The following ESRRG variants were observed in gnomAD, a reference collection of about 807,000 sequenced individuals.
The protein encoded by ESRRG is estrogen-related receptor gamma.
Under a neutral mutation model 44.0 loss-of-function variants are expected in ESRRG, and 13 were observed. That is an observed-to-expected ratio of 0.30 (90% CI 0.19 to 0.47). ESRRG has a LOEUF of 0.47. ESRRG is among the 20% of genes least tolerant of loss of function. The pLI is 1.00. For synonymous variants in ESRRG, 215 were observed against 214.6 expected, an observed-to-expected ratio of 1.00 and a Z score of -0.02; for missense variants, 395 against 580.6, an observed-to-expected ratio of 0.68 and a Z score of 3.29.
At chr1:216,824,689 T>C (rs1388900141) in intron 2 of ESRRG, among the ~76,000 whole-genome samples, 1 of 152,216 alleles carries the variant, frequency 6.6e-6, no homozygotes. Context: ...GCCTATTTCT[T>C]ATAATGATTA....
intron 1 of ESRRG, among the ~76,000 whole-genome samples, chr1:217,087,547 C>T (rs1456233912): frequency 1.3e-5 from 2 of 152,112 alleles, no homozygotes; most frequent in Non-Finnish European, 2.9e-5. Flanking sequence ...CACAAACTCC[C>T]CTGGCTCCCC....
At chr1:216,983,472 T>A (rs2074329680) in intron 1 of ESRRG, among the ~76,000 whole-genome samples, 1 of 152,106 alleles carries the variant, frequency 6.6e-6, no homozygotes, top group Non-Finnish European at 1.5e-5. Context: ...GCTCAAGCGA[T>A]CCTCCCATCT....
intron 2 of ESRRG, among the ~76,000 whole-genome samples, chr1:216,926,773 G>A (rs895948194): frequency 1.3e-5 from 2 of 152,192 alleles, no homozygotes; most frequent in African/African-American, 4.8e-5. Flanking sequence ...GAAGGTAGCA[G>A]TGTAGGTGAC....
chr1:216,561,310 A>G (rs1163167370), intron 5 of ESRRG, among the ~76,000 whole-genome samples: 1 of 152,172 alleles, frequency 6.6e-6, no homozygotes, highest in Non-Finnish European at 1.5e-5. Flanking sequence ...GTGTAATTAT[A>G]CAAACCGAGA....
chr1:217,074,258 C>A (rs180893953), intron 1 of ESRRG, among the ~76,000 whole-genome samples: 1 of 151,608 alleles, frequency 6.6e-6, no homozygotes, highest in African/African-American at 2.4e-5. Flanking sequence ...CATATTGGCC[C>A]GGCCAGTCTC....
chr1:216,843,869 CTT>C (rs10712887), intron 2 of ESRRG, among the ~76,000 whole-genome samples: 4,105 of 143,878 alleles, frequency 0.029, 188 homozygotes, highest in African/African-American at 0.096. Context: ...TTCTTTCTTC[CTT>C]TTTTTTTTTT....
chr1:217,107,210 A>G (rs1474300098), intron 1 of ESRRG, among the ~76,000 whole-genome samples: 1 of 152,242 alleles, frequency 6.6e-6, no homozygotes, highest in African/African-American at 2.4e-5. Context: ...AATTAAAGAT[A>G]AGCAAATAAG....
chr1:216,561,703 A>ATT (rs111565670), intron 5 of ESRRG, among the ~76,000 whole-genome samples: 33 of 145,710 alleles, frequency 2.3e-4, no homozygotes, highest in African/African-American at 9.1e-4. Flanking sequence ...GGTATTATTA[A>ATT]ATTTTTTTTT....
At chr1:216,999,837 T>C (rs1299677664) in intron 1 of ESRRG, among the ~76,000 whole-genome samples, 1 of 152,218 alleles carries the variant, frequency 6.6e-6, no homozygotes, top group Non-Finnish European at 1.5e-5. Context: ...GTTCTGACCA[T>C]GGCAAACCAC....
intron 2 of ESRRG, among the ~76,000 whole-genome samples, chr1:216,849,474 ATATT>A (rs1218330215): frequency 1.3e-5 from 2 of 152,136 alleles, no homozygotes; most frequent in South Asian, 2.1e-4. Flanking sequence ...AGGCTTTTAT[ATATT>A]TATTTATTTA....
At chr1:216,773,690 G>T (rs892679847) in intron 2 of ESRRG, among the ~76,000 whole-genome samples, 1 of 152,064 alleles carries the variant, frequency 6.6e-6, no homozygotes, top group Non-Finnish European at 1.5e-5. Context: ...TTATATAAGG[G>T]AAAATAGTCA....
chr1:217,039,964 A>C (rs1362419867), intron 1 of ESRRG, among the ~76,000 whole-genome samples: 1 of 152,166 alleles, frequency 6.6e-6, no homozygotes, highest in African/African-American at 2.4e-5. Context: ...CCATGGAAAC[A>C]TATGGAAATA....
At chr1:216,976,071 C>T (rs905043984) in intron 1 of ESRRG, among the ~76,000 whole-genome samples, 30 of 152,066 alleles carry the variant, frequency 2.0e-4, no homozygotes, top group Non-Finnish European at 3.7e-4. Context: ...TATCTAACAC[C>T]TAATAGAAAC....
intron 6 of ESRRG, among the ~76,000 whole-genome samples, chr1:216,518,758 C>T (rs561728662): frequency 6.6e-6 from 1 of 152,228 alleles, no homozygotes; most frequent in South Asian, 2.1e-4. Context: ...TTCCCAATTG[C>T]ACAATTTGCA....
intron 2 of ESRRG, among the ~76,000 whole-genome samples, chr1:216,777,231 C>G (rs2093648716): frequency 6.6e-6 from 1 of 152,016 alleles, no homozygotes; most frequent in African/African-American, 2.4e-5. Flanking sequence ...AAAAGCACTA[C>G]AGATCTACTC....
chr1:217,033,802 A>G (rs2082423942), intron 1 of ESRRG, among the ~76,000 whole-genome samples: 1 of 152,206 alleles, frequency 6.6e-6, no homozygotes, highest in African/African-American at 2.4e-5. Context: ...TGGAGTAGGC[A>G]GTTCATATAG....
Position 216,541,740 on chromosome 1 carries a change from C to T in ESRRG, c.863-22319G>A, listed in dbSNP as rs79800319. Among the ~76,000 whole-genome samples the T allele has an allele frequency of 4.3e-3, 661 of 151,982 alleles. 7 individuals are homozygous for T. The highest frequency in any genetic ancestry group is 7.3e-3 in the Non-Finnish European group (494 of 67,952). On this transcript the variant is annotated intron_variant, in intron 5 of 6. Transcript: ENST00000408911. ...GAATAGCTTACAATTTTTTTAACTT[C>T]TATTTTTGTTCTACGTCTGTAATCA...
At chr1:217,120,655 C>T (rs571283708) in intron 1 of ESRRG, among the ~76,000 whole-genome samples, 5 of 152,234 alleles carry the variant, frequency 3.3e-5, no homozygotes, top group Non-Finnish European at 2.9e-5. Context: ...TTTATTCAAC[C>T]CTTTCATACA....
chr1:216,672,213 G>A (rs1212765785), intron 2 of ESRRG, among the ~76,000 whole-genome samples: 2 of 152,296 alleles, frequency 1.3e-5, no homozygotes, highest in Admixed American at 6.5e-5. Flanking sequence ...CCTATTGGAT[G>A]ACAGGGTAGA....
Sources: allele counts gnomAD v4.1 joint callset (sites outside exome capture counted in the v4.1 genomes callset), GRCh38; gene constraint gnomAD v4.1.1; transcripts MANE v1.5; gene names NCBI Gene and HGNC (gene_info 2026-07-23, HGNC 2026-07-21).